The following SCML4 variants were observed in gnomAD, a reference collection of about 807,000 sequenced individuals.
SCML4 encodes the protein sex comb on midleg-like protein 4.
A neutral mutation model predicts 41.1 loss-of-function variants in SCML4; 34 were observed. The observed-to-expected ratio is 0.83, with a 90% CI of 0.63 to 1.10. The LOEUF is 1.10. Among genes scored for constraint, SCML4 ranks in the 50% least tolerant of loss-of-function variants. The pLI, the probability that SCML4 is intolerant of heterozygous loss-of-function variation, is 0.00. For synonymous variants in SCML4, 214 were observed against 220.9 expected (o/e 0.97, Z 0.28); for missense variants, 522 against 534.1 (o/e 0.98, Z 0.22).
chr6:107,775,962 A>G (rs1052267149), intron 1 of SCML4, among the ~76,000 whole-genome samples: 2 of 152,172 alleles, frequency 1.3e-5, no homozygotes, highest in Non-Finnish European at 2.9e-5. Context: ...TTAGAAATAA[A>G]TAAAATTTTA....
the SCML4 span, among the ~76,000 whole-genome samples, chr6:107,832,405 A>G: frequency 2.6e-5 from 4 of 152,118 alleles, no homozygotes; most frequent in African/African-American, 9.7e-5. Context: ...CTTCCAGGCC[A>G]CATGCTTCCC....
chr6:107,745,312 C>T (rs1299068461), intron 4 of SCML4, 169 bp from the exon 5 acceptor site: 2 of 577,656 alleles, frequency 3.5e-6, no homozygotes, highest in Admixed American at 3.2e-5. Flanking sequence ...GGGGATCCCA[C>T]CCAGGACACC....
chr6:107,772,074 A>G, intron 2 of SCML4, 98 bp downstream of exon 2: 1 of 1,067,238 alleles, frequency 9.4e-7, no homozygotes, highest in East Asian at 2.7e-5. Flanking sequence ...GTCTCTACCA[A>G]GCTCCCAACC....
chr6:107,777,115 TTTG>T (rs1781015451), intron 1 of SCML4, among the ~76,000 whole-genome samples: 1 of 152,116 alleles, frequency 6.6e-6, no homozygotes, highest in Non-Finnish European at 1.5e-5. Flanking sequence ...ATTGTCTGAA[TTTG>T]TTTTGTTTTG....
chr6:107,788,505 G>A (rs9486699), intron 1 of SCML4, among the ~76,000 whole-genome samples: 48,223 of 152,134 alleles, frequency 0.32, 7,756 homozygotes, highest in Middle Eastern at 0.35. Flanking sequence ...GTCCCTAAAG[G>A]CAACATAAAG....
intron 5 of SCML4, among the ~76,000 whole-genome samples, chr6:107,740,727 T>C (rs906625862): frequency 6.6e-6 from 1 of 151,810 alleles, no homozygotes; most frequent in Non-Finnish European, 1.5e-5. Flanking sequence ...TAGAGAAGAG[T>C]TGCATTTGTC....
chr6:107,715,756 G>C (rs904718794), intron 6 of SCML4, among the ~76,000 whole-genome samples: 1 of 152,150 alleles, frequency 6.6e-6, no homozygotes, highest in African/African-American at 2.4e-5. Context: ...GAGAGAGAAG[G>C]CTGAGGAGTT....
intron 2 of SCML4, among the ~76,000 whole-genome samples, chr6:107,759,766 T>C (rs1449043177): frequency 6.6e-6 from 1 of 152,154 alleles, no homozygotes; most frequent in Non-Finnish European, 1.5e-5. Context: ...ACCTTCAGAA[T>C]GAGACAGCAA....
chr6:107,757,279 G>A (rs183456858), intron 2 of SCML4, among the ~76,000 whole-genome samples: 1 of 152,220 alleles, frequency 6.6e-6, no homozygotes, highest in African/African-American at 2.4e-5. Context: ...GGGGGAAACG[G>A]AGATGTGCGG....
intron 1 of SCML4, among the ~76,000 whole-genome samples, chr6:107,815,414 T>G (rs1784492707): frequency 6.6e-6 from 1 of 152,272 alleles, no homozygotes; most frequent in Admixed American, 6.5e-5. Context: ...AATATGTATT[T>G]CTGCTCAGCT....
At chr6:107,788,211 A>G (rs947240614) in intron 1 of SCML4, among the ~76,000 whole-genome samples, 1 of 152,236 alleles carries the variant, frequency 6.6e-6, no homozygotes, top group Non-Finnish European at 1.5e-5. Flanking sequence ...TGCAAGGACC[A>G]GGAAAGCTGG....
intron 2 of SCML4, among the ~76,000 whole-genome samples, chr6:107,762,392 C>T (rs569453090): frequency 6.6e-6 from 1 of 152,148 alleles, no homozygotes; most frequent in Admixed American, 6.5e-5. Context: ...TTTAAAAATA[C>T]GATTGGACTA....
At chr6:107,737,155 T>C (rs1325515715) in intron 5 of SCML4, among the ~76,000 whole-genome samples, 1 of 152,228 alleles carries the variant, frequency 6.6e-6, no homozygotes, top group African/African-American at 2.4e-5. Flanking sequence ...GACCCCCAGG[T>C]CTATCTAGCA....
chr6:107,796,479 T>G lies in SCML4; in HGVS notation c.-59-24093A>C, dbSNP rs61005387. ...GCTGTTCAAGTCTTTTGCCCAAATT[T>G]TATGGGGTTGTTTGCCTCTTACATT... is the stretch of plus-strand genomic sequence containing the variant. On this transcript the variant is annotated intron_variant, in intron 1 of 7. Transcript: ENST00000369020. Among the ~76,000 whole-genome samples, 73 of 152,360 alleles carry G rather than the reference T, an allele frequency of 4.8e-4. 1 individual carries two copies. In the East Asian group the frequency reaches 0.013, roughly 28 times the overall value.
chr6:107,844,566 G>A, the SCML4 span, among the ~76,000 whole-genome samples: 1 of 151,518 alleles, frequency 6.6e-6, no homozygotes, highest in Non-Finnish European at 1.5e-5. Context: ...GAACGTGGTA[G>A]CACAGGCCTG....
At chr6:107,802,687 TCCCCC>T (rs1783273641) in intron 1 of SCML4, among the ~76,000 whole-genome samples, 4 of 484 alleles carry the variant, frequency 8.3e-3, no homozygotes, top group African/African-American at 0.015. Flanking sequence ...TCCCTCTCCC[TCCCCC>T]TCCTCTCCCT....
Position 107,745,100 on chromosome 6 carries a change from A to T in SCML4, c.531T>A (p.Pro177=). The T allele has an allele frequency of 6.2e-7, 1 of 1,608,474 alleles. No individual in the cohort carries two copies. The highest frequency in any genetic ancestry group is 1.1e-5 in the South Asian group (1 of 90,200). ...GGACATAGCCGATGCTGTTCACCAC[A>T]GGCAGGCTCCGCAGGTGCTGTTTGC... ...FDGKQHLRSL[P]VVNSIGYVLR... The change falls in exon 5 of 8, where the codon CCT becomes CCA. Residue 177 remains proline, a synonymous_variant. Transcript: ENST00000369020.
intron 1 of SCML4, among the ~76,000 whole-genome samples, chr6:107,780,313 A>G (rs528549533): frequency 6.6e-6 from 1 of 152,296 alleles, no homozygotes; most frequent in African/African-American, 2.4e-5. Context: ...TTTTTTTCCA[A>G]TTCTGATACT....
intron 1 of SCML4, among the ~76,000 whole-genome samples, chr6:107,787,111 TG>T (rs1781956753): frequency 6.6e-6 from 1 of 152,170 alleles, no homozygotes; most frequent in African/African-American, 2.4e-5. Context: ...CAGAGCTGGC[TG>T]GGGGACAGGA....
Sources: allele counts gnomAD v4.1 joint callset (sites outside exome capture counted in the v4.1 genomes callset), GRCh38; gene constraint gnomAD v4.1.1; transcripts MANE v1.5; gene names NCBI Gene and HGNC (gene_info 2026-07-23, HGNC 2026-07-21).